ARL15: variants seen among roughly 807,000 people sequenced by gnomAD.
ARL15 encodes the protein ARF like GTPase 15.
A neutral mutation model predicts 25.2 loss-of-function variants in ARL15; 19 were observed. The ratio of observed to expected loss-of-function variants is 0.75; its 90% CI spans 0.53 to 1.10. The LOEUF is 1.10. Ranked by LOEUF, ARL15 falls within the 50% of genes least tolerant of loss-of-function variation. The probability of loss-of-function intolerance (pLI) is 0.00; values close to 1 mark genes in which losing one functional copy is unlikely to be tolerated. For missense variants in ARL15, 220 were observed against 246.0 expected (o/e 0.89, Z 0.71); for synonymous variants, 94 against 86.8 (o/e 1.08, Z -0.46).
rs536446659 is a variant in ARL15, at chr5:54,181,807, C to T, written c.49-9879G>A. On this transcript the variant is annotated intron_variant, in intron 1 of 4. Transcript: ENST00000504924. ...TTATTTCTCCACATCCTCTCCAGCA[C>T]CTGTTGTTTCCTGACTTTTTAATGA... Among the ~76,000 whole-genome samples the T allele has an allele frequency of 3.3e-5, 5 of 151,890 alleles. No individual in the cohort carries two copies. The East Asian group carries it at 9.7e-4, about 30-fold the overall frequency.
intron 4 of ARL15, among the ~76,000 whole-genome samples, chr5:53,989,157 C>T (rs561244595): frequency 2.6e-5 from 4 of 152,258 alleles, no homozygotes; most frequent in Non-Finnish European, 5.9e-5. Context: ...AAGTACTTAA[C>T]ATCCTTGGGT....
At chr5:54,117,629 T>C (rs1579816303) in intron 3 of ARL15, among the ~76,000 whole-genome samples, 1 of 152,150 alleles carries the variant, frequency 6.6e-6, no homozygotes, top group African/African-American at 2.4e-5. Flanking sequence ...GCAAAATACA[T>C]TTTTGCTACA....
At chr5:54,035,399 TTTGA>T (rs1000676678) in intron 4 of ARL15, among the ~76,000 whole-genome samples, 1 of 152,200 alleles carries the variant, frequency 6.6e-6, no homozygotes, top group African/African-American at 2.4e-5. Context: ...TAAAAAAAAC[TTTGA>T]TTATTTTAGA....
chr5:54,148,049 T>A (rs1461156885), intron 3 of ARL15, among the ~76,000 whole-genome samples: 1 of 152,114 alleles, frequency 6.6e-6, no homozygotes, highest in South Asian at 2.1e-4. Flanking sequence ...ATTAAAGAAG[T>A]CTTCTTTCCT....
intron 3 of ARL15, among the ~76,000 whole-genome samples, chr5:54,131,692 T>C (rs1029084922): frequency 2.0e-5 from 3 of 152,190 alleles, no homozygotes; most frequent in African/African-American, 4.8e-5. Context: ...GAGAAACTTT[T>C]ATGTGCCAAG....
rs146014801 is a variant in ARL15, at chr5:54,121,774, C to A, written c.254-8364G>T. Among the ~76,000 whole-genome samples the A allele has an allele frequency of 2.5e-3, 386 of 152,164 alleles. 2 individuals are homozygous for A. The highest frequency in any genetic ancestry group is 8.2e-3 in the Admixed American group (126 of 15,274). On this transcript the variant is annotated intron_variant, in intron 3 of 4. Transcript: ENST00000504924. ...TATCATCTAAGTAACATGAAAACTC[C>A]GCTTAATTGTTCCAAGCCTCAGTTT...
chr5:54,151,128 A>G (rs1246712875), intron 3 of ARL15, among the ~76,000 whole-genome samples: 1 of 152,180 alleles, frequency 6.6e-6, no homozygotes, highest in Non-Finnish European at 1.5e-5. Flanking sequence ...AAAGACTGAG[A>G]CTGTGTAGGG....
intron 4 of ARL15, among the ~76,000 whole-genome samples, chr5:54,069,527 C>T (rs1376308182): frequency 5.5e-5 from 7 of 128,408 alleles, no homozygotes; most frequent in African/African-American, 1.2e-4. Flanking sequence ...GTCCAGATCA[C>T]GCCAGCCTGG....
rs143265194 is a variant in ARL15 at position 53,898,652 on chromosome 5, G to GC, written c.463-11940dup. 7.5e-3 allele frequency among the ~76,000 whole-genome samples: 1,135 copies of GC among 150,370 alleles called. 13 individuals carry two copies. The highest frequency in any genetic ancestry group is 0.027 in the African/African-American group (1,084 of 40,844). ...TTTTTTGGTTTGGGTTCCACCCGCT[G>GC]CCCCCCCTACCCCCGACAGACCTCA... On this transcript the variant is annotated intron_variant, in intron 4 of 4. Coordinates refer to ENST00000504924, the MANE Select transcript of ARL15 (RefSeq NM_019087.3).
chr5:53,946,920 T>G (rs992045795), intron 4 of ARL15, among the ~76,000 whole-genome samples: 2 of 152,188 alleles, frequency 1.3e-5, no homozygotes, highest in Non-Finnish European at 2.9e-5. Context: ...CAAAGCTAAT[T>G]AATTACAGCC....
At chr5:54,256,803 A>G (rs1757382406) in intron 1 of ARL15, among the ~76,000 whole-genome samples, 1 of 151,726 alleles carries the variant, frequency 6.6e-6, no homozygotes, top group Admixed American at 6.6e-5. Flanking sequence ...AAGTCAATAA[A>G]TGTAATTCAT....
chr5:54,213,260 G>C (rs1032960916), intron 1 of ARL15, among the ~76,000 whole-genome samples: 1 of 152,140 alleles, frequency 6.6e-6, no homozygotes, highest in South Asian at 2.1e-4. Flanking sequence ...CACTATAAAT[G>C]TGTCTTGTAA....
Position 54,127,824 on chromosome 5 carries a change from T to C in ARL15, c.254-14414A>G, listed in dbSNP as rs1272002569. Reference sequence around the variant, plus strand: ...TGGTACTGGTACCAAAACAGAGATATAGATCAATGGAACAGAACAGAGCCC... The same window carrying C: ...TGGTACTGGTACCAAAACAGAGATACAGATCAATGGAACAGAACAGAGCCC... On this transcript the variant is annotated intron_variant, in intron 3 of 4. Coordinates refer to ENST00000504924, the MANE Select transcript of ARL15 (RefSeq NM_019087.3). Among the ~76,000 whole-genome samples, 4 of 151,392 alleles carry C rather than the reference T, an allele frequency of 2.6e-5. No individual in the cohort carries two copies. The East Asian group carries it at 5.8e-4, about 22-fold the overall frequency.
intron 1 of ARL15, among the ~76,000 whole-genome samples, chr5:54,277,363 G>C (rs1219213130): frequency 6.6e-6 from 1 of 152,120 alleles, no homozygotes; most frequent in Non-Finnish European, 1.5e-5. Flanking sequence ...CTACCCACTA[G>C]CAAATGACTC....
At chr5:54,176,408 A>G (rs1754873786) in intron 1 of ARL15, among the ~76,000 whole-genome samples, 1 of 152,134 alleles carries the variant, frequency 6.6e-6, no homozygotes, top group Admixed American at 6.5e-5. Context: ...AACTGTAAAG[A>G]GTTTTCATTT....
At chr5:53,901,303 TC>T (rs1169179817) in intron 4 of ARL15, among the ~76,000 whole-genome samples, 1 of 152,204 alleles carries the variant, frequency 6.6e-6, no homozygotes, top group Non-Finnish European at 1.5e-5. Context: ...TGATTTTCCT[TC>T]CTTTCAAGAA....
At chr5:54,262,340 A>G (rs1470465335) in intron 1 of ARL15, among the ~76,000 whole-genome samples, 1 of 152,178 alleles carries the variant, frequency 6.6e-6, no homozygotes, top group East Asian at 1.9e-4. Flanking sequence ...TCAGAAGAGA[A>G]GGCCCAGATT....
At chr5:54,066,592 T>C (rs1751241161) in intron 4 of ARL15, among the ~76,000 whole-genome samples, 4 of 152,126 alleles carry the variant, frequency 2.6e-5, no homozygotes, top group Admixed American at 2.6e-4. Flanking sequence ...GGGACTTTGA[T>C]CCTCAGGGGA....
chr5:54,294,958 C>T (rs1419116531), intron 1 of ARL15, among the ~76,000 whole-genome samples: 1 of 152,196 alleles, frequency 6.6e-6, no homozygotes, highest in African/African-American at 2.4e-5. Context: ...CTTACTATAA[C>T]TCTTGATTCT....
Sources: gnomAD v4.1 joint callset for allele counts (sites outside exome capture counted in the v4.1 genomes callset) on GRCh38, gnomAD v4.1.1 for gene constraint, MANE v1.5 for transcripts, NCBI Gene and HGNC (gene_info 2026-07-23, HGNC 2026-07-21) for gene names.